GRID2: variants seen among roughly 807,000 people sequenced by gnomAD.
GRID2 encodes glutamate ionotropic receptor delta type subunit 2, also known as glutamate receptor ionotropic, delta-2.
Under a neutral mutation model 114.8 loss-of-function variants are expected in GRID2, and 33 were observed. The observed-to-expected ratio is 0.29, with a 90% confidence interval of 0.22 to 0.38. The LOEUF is 0.38. Ranked by LOEUF, GRID2 falls within the 10% of genes least tolerant of loss-of-function variation. The pLI, the probability that GRID2 is intolerant of heterozygous loss-of-function variation, is 1.00. For missense variants in GRID2, 1,184 were observed against 1,257.7 expected (o/e 0.94, Z 0.89); for synonymous variants, 505 against 449.9 (o/e 1.12, Z -1.55).
intron 2 of GRID2, among the ~76,000 whole-genome samples, chr4:92,886,850 A>C (rs1362427148): frequency 6.6e-6 from 1 of 152,126 alleles, no homozygotes; most frequent in Non-Finnish European, 1.5e-5. Context: ...TGGCCTTGAA[A>C]ACCTGACCTC....
At chr4:93,356,139 TATC>T (rs1761313460) in intron 8 of GRID2, among the ~76,000 whole-genome samples, 1 of 152,116 alleles carries the variant, frequency 6.6e-6, no homozygotes. Flanking sequence ...CTTACCTACT[TATC>T]ATCTTTCACT....
At chr4:92,457,791 T>G (rs1245517354) in intron 1 of GRID2, among the ~76,000 whole-genome samples, 1 of 152,120 alleles carries the variant, frequency 6.6e-6, no homozygotes, top group Non-Finnish European at 1.5e-5. Context: ...AAAGAGAAAG[T>G]GTCTTCAGAA....
chr4:93,177,992 C>T (rs1037722540), intron 4 of GRID2, among the ~76,000 whole-genome samples: 10 of 151,804 alleles, frequency 6.6e-5, no homozygotes, highest in African/African-American at 2.4e-4. Context: ...GTTCTTTACC[C>T]TTAGCTTGTA....
chr4:92,565,953 G>A (rs191366406), intron 1 of GRID2, among the ~76,000 whole-genome samples: 97 of 152,014 alleles, frequency 6.4e-4, no homozygotes, highest in African/African-American at 2.2e-3. Context: ...TCTCCTCAGG[G>A]TATCACAAAG....
At chr4:92,707,059 T>C (rs1489429430) in intron 2 of GRID2, among the ~76,000 whole-genome samples, 1 of 152,174 alleles carries the variant, frequency 6.6e-6, no homozygotes, top group African/African-American at 2.4e-5. Context: ...AGAATTACTT[T>C]CCTCTTAATT....
intron 2 of GRID2, among the ~76,000 whole-genome samples, chr4:92,642,648 C>T (rs1731414437): frequency 6.6e-6 from 1 of 151,472 alleles, no homozygotes; most frequent in South Asian, 2.1e-4. Context: ...AATGCAGAAG[C>T]TCTTTAGTTT....
chr4:92,624,835 G>GA lies in GRID2; in HGVS notation c.244+34556dup, dbSNP rs1245357985. On this transcript the variant is annotated intron_variant, in intron 2 of 15. Transcript: ENST00000282020. Reference sequence around the variant, plus strand: ...TGAATGAGATTATTTTATTAAAAAGGAAAAAAATTTGAAGAGTATAAATAC... The same window carrying GA: ...TGAATGAGATTATTTTATTAAAAAGGAAAAAAAATTTGAAGAGTATAAATAC... 3.3e-5 allele frequency among the ~76,000 whole-genome samples: 5 copies of GA among 151,620 alleles called. No homozygotes were observed. The East Asian group carries it at 9.7e-4, about 29-fold the overall frequency.
intron 1 of GRID2, among the ~76,000 whole-genome samples, chr4:92,372,822 A>T (rs914627164): frequency 3.9e-5 from 6 of 152,128 alleles, no homozygotes; most frequent in African/African-American, 1.4e-4. Context: ...ATGATTTAGA[A>T]ATTAATTGAC....
rs1763733394 is a variant in GRID2 at position 93,380,306 on chromosome 4, A to G, written c.1246-15301A>G. Among the ~76,000 whole-genome samples, 4 of 151,872 alleles carry G rather than the reference A, an allele frequency of 2.6e-5. No individual in the cohort carries two copies. The Admixed American group carries it at 2.6e-4, about 10-fold the overall frequency. Reference sequence around the variant, plus strand: ...GTCAAAGAATGCTTGGAACCAAGAGAAGCTGGAAAAGACAATGAAAGATTT... The same window carrying G: ...GTCAAAGAATGCTTGGAACCAAGAGGAGCTGGAAAAGACAATGAAAGATTT... On this transcript the variant is annotated intron_variant, in intron 8 of 15. Coordinates refer to ENST00000282020, the MANE Select transcript of GRID2 (RefSeq NM_001510.4).
At chr4:93,283,162 C>G (rs1752820321) in intron 8 of GRID2, among the ~76,000 whole-genome samples, 1 of 151,976 alleles carries the variant, frequency 6.6e-6, no homozygotes, top group Non-Finnish European at 1.5e-5. Context: ...ACCACTTGCC[C>G]TACCTAATTT....
At chr4:93,593,194 G>A (rs1294035228) in intron 13 of GRID2, among the ~76,000 whole-genome samples, 8 of 148,350 alleles carry the variant, frequency 5.4e-5, no homozygotes, top group South Asian at 2.2e-4. Flanking sequence ...AGCTGGTACC[G>A]GTTGTTCCTT....
At chr4:92,771,693 C>T (rs1480850851) in intron 2 of GRID2, among the ~76,000 whole-genome samples, 1 of 152,082 alleles carries the variant, frequency 6.6e-6, no homozygotes, top group Non-Finnish European at 1.5e-5. Flanking sequence ...TTAGTTTAAA[C>T]AGAAAAATAT....
intron 2 of GRID2, among the ~76,000 whole-genome samples, chr4:92,937,443 C>T (rs1305824018): frequency 6.8e-6 from 1 of 146,778 alleles, no homozygotes; most frequent in Non-Finnish European, 1.5e-5. Flanking sequence ...GTTGAAGAGA[C>T]TGCTCTTGCC....
intron 5 of GRID2, among the ~76,000 whole-genome samples, chr4:93,211,042 AT>A (rs1743407352): frequency 6.6e-6 from 1 of 152,262 alleles, no homozygotes; most frequent in South Asian, 2.1e-4. Context: ...ATCTGGACAA[AT>A]TAATGCTTAC....
intron 2 of GRID2, among the ~76,000 whole-genome samples, chr4:92,753,159 A>G (rs1211478031): frequency 5.9e-5 from 9 of 152,210 alleles, no homozygotes; most frequent in Non-Finnish European, 1.3e-4. Context: ...CTCAAAGAAT[A>G]ATTGAAACCA....
intron 2 of GRID2, among the ~76,000 whole-genome samples, chr4:93,036,683 T>A (rs1327956044): frequency 6.6e-6 from 1 of 152,166 alleles, no homozygotes; most frequent in Non-Finnish European, 1.5e-5. Flanking sequence ...TAATTTACTT[T>A]CTTTTATGTA....
chr4:93,782,449 G>T (rs186988781), intron 1 of GRID2, among the ~76,000 whole-genome samples: 103 of 152,162 alleles, frequency 6.8e-4, no homozygotes, highest in African/African-American at 2.1e-3. Context: ...TTTTAGTTCC[G>T]AGTCTGCTTC....
chr4:93,589,821 T>C (rs1253155216), intron 13 of GRID2, among the ~76,000 whole-genome samples: 3 of 152,140 alleles, frequency 2.0e-5, no homozygotes, highest in Admixed American at 1.3e-4. Context: ...GAGCATTTTT[T>C]CATGTGTTTT....
At chr4:93,594,303 G>A (rs1738774859) in intron 13 of GRID2, among the ~76,000 whole-genome samples, 1 of 152,126 alleles carries the variant, frequency 6.6e-6, no homozygotes, top group African/African-American at 2.4e-5. Context: ...GTCTGTTGGA[G>A]TACCCTGCAG....
Sources: gnomAD v4.1 joint callset for allele counts (sites outside exome capture counted in the v4.1 genomes callset) on GRCh38, gnomAD v4.1.1 for gene constraint, MANE v1.5 for transcripts, NCBI Gene and HGNC (gene_info 2026-07-23, HGNC 2026-07-21) for gene names.